CTNNA2: variants seen among roughly 807,000 people sequenced by gnomAD.
CTNNA2 encodes the protein catenin alpha 2, also known as catenin alpha-2.
A neutral mutation model predicts 101.0 loss-of-function variants in CTNNA2; 42 were observed. The observed-to-expected ratio is 0.42, with a 90% confidence interval of 0.32 to 0.54. CTNNA2 has a LOEUF of 0.54. Ranked by LOEUF, CTNNA2 falls within the 20% of genes least tolerant of loss-of-function variation. The pLI is 0.14. For missense variants in CTNNA2, 871 were observed against 1,223.1 expected, an observed-to-expected ratio of 0.71 and a Z score of 4.29; for synonymous variants, 450 against 456.4, an observed-to-expected ratio of 0.99 and a Z score of 0.18.
At chr2:79,218,561 T>A (rs1348973199) in intron 2 of CTNNA2, among the ~76,000 whole-genome samples, 1 of 152,112 alleles carries the variant, frequency 6.6e-6, no homozygotes, top group Non-Finnish European at 1.5e-5. Context: ...GAAGAGACTC[T>A]CATTTAGGAC....
intron 3 of CTNNA2, among the ~76,000 whole-genome samples, chr2:79,369,791 T>C (rs771599402): frequency 1.3e-5 from 2 of 152,184 alleles, no homozygotes; most frequent in Non-Finnish European, 2.9e-5. Flanking sequence ...CTTATTTAAA[T>C]TCTGTCCAAC....
chr2:80,487,301 T>G (rs1026031026), intron 9 of CTNNA2, among the ~76,000 whole-genome samples: 4 of 142,506 alleles, frequency 2.8e-5, no homozygotes, highest in Non-Finnish European at 4.6e-5. Flanking sequence ...AAAAAAAAAG[T>G]GCACAATTTT....
At chr2:79,357,445 CAA>C (rs1466129294) in intron 3 of CTNNA2, among the ~76,000 whole-genome samples, 1 of 151,942 alleles carries the variant, frequency 6.6e-6, no homozygotes, top group Non-Finnish European at 1.5e-5. Flanking sequence ...TCACAGAAAG[CAA>C]ATTATTGAAA....
At chr2:80,145,061 C>T (rs1471289952) in intron 7 of CTNNA2, among the ~76,000 whole-genome samples, 2 of 152,148 alleles carry the variant, frequency 1.3e-5, no homozygotes, top group Non-Finnish European at 1.5e-5. Context: ...CTGTCAATCA[C>T]GGTTCTAGAA....
At chr2:80,264,614 C>T (rs1052550716) in intron 7 of CTNNA2, among the ~76,000 whole-genome samples, 3 of 152,108 alleles carry the variant, frequency 2.0e-5, no homozygotes, top group Non-Finnish European at 4.4e-5. Flanking sequence ...CTTAGCTTAG[C>T]CTAAAATCCC....
intron 4 of CTNNA2, among the ~76,000 whole-genome samples, chr2:79,859,472 T>C (rs1223536614): frequency 6.6e-6 from 1 of 152,082 alleles, no homozygotes; most frequent in African/African-American, 2.4e-5. Context: ...TATGTATAAA[T>C]TCTGGAAAAA....
At chr2:79,326,587 T>C (rs1041260338) in intron 3 of CTNNA2, among the ~76,000 whole-genome samples, 1 of 152,206 alleles carries the variant, frequency 6.6e-6, no homozygotes, top group Non-Finnish European at 1.5e-5. Context: ...ATTTATAACA[T>C]GATTTTTAAA....
At chr2:79,404,171 T>C (rs1428127621) in intron 4 of CTNNA2, among the ~76,000 whole-genome samples, 1 of 151,892 alleles carries the variant, frequency 6.6e-6, no homozygotes. Context: ...ATAGTGTACA[T>C]TGGTAACACC....
chr2:79,812,133 T>A (rs1026615123), intron 3 of CTNNA2, among the ~76,000 whole-genome samples: 9 of 152,184 alleles, frequency 5.9e-5, no homozygotes, highest in Non-Finnish European at 1.3e-4. Flanking sequence ...CCAATGTCAT[T>A]TTTTGTAGAT....
chr2:80,289,641 A>T (rs1448022381), intron 7 of CTNNA2, among the ~76,000 whole-genome samples: 1 of 152,206 alleles, frequency 6.6e-6, no homozygotes, highest in African/African-American at 2.4e-5. Context: ...AACTCAATGC[A>T]CATGCTCTCT....
chr2:79,857,989 T>G (rs1476656251), intron 3 of CTNNA2, 24 bp from the exon 4 acceptor site: 6 of 1,600,614 alleles, frequency 3.7e-6, no homozygotes, highest in Admixed American at 1.7e-5. Flanking sequence ...TCTACCCACC[T>G]GCCTCTCCGT....
chr2:80,328,391 A>G (rs1028451431), intron 7 of CTNNA2: 8 of 470,926 alleles, frequency 1.7e-5, no homozygotes, highest in South Asian at 1.1e-4. Flanking sequence ...GTGACTCTCC[A>G]TAGGGGAATG....
intron 7 of CTNNA2, among the ~76,000 whole-genome samples, chr2:80,052,761 G>A (rs915454771): frequency 1.3e-5 from 2 of 152,150 alleles, no homozygotes; most frequent in African/African-American, 4.8e-5. Flanking sequence ...ACAGATAGAA[G>A]CAGTTTGCAT....
chr2:79,677,064 G>A (rs1453601822), intron 2 of CTNNA2, among the ~76,000 whole-genome samples: 2 of 151,996 alleles, frequency 1.3e-5, no homozygotes, highest in Non-Finnish European at 2.9e-5. Context: ...TGAGTACCTG[G>A]AACTACATCA....
In CTNNA2 at chr2:79,887,065, A is replaced by G. The variant is rs770137585; in HGVS notation, c.852+12723A>G. On this transcript the variant is annotated intron_variant, in intron 6 of 18. Coordinates refer to ENST00000402739, the MANE Select transcript of CTNNA2 (RefSeq NM_001282597.3). The stretch of plus-strand genomic sequence containing the variant: ...CTCCTGAACTCAAGTGATCTGCCCA[A>G]CTCAGCTTCCCAAAATGCTGGGATT... Among the ~76,000 whole-genome samples the G allele has an allele frequency of 5.3e-5, 8 of 151,926 alleles. No individual in the cohort carries two copies. The East Asian group carries it at 5.9e-4, about 11-fold the overall frequency.
intron 7 of CTNNA2, among the ~76,000 whole-genome samples, chr2:80,278,335 A>T (rs749451682): frequency 6.6e-6 from 1 of 152,164 alleles, no homozygotes; most frequent in Non-Finnish European, 1.5e-5. Flanking sequence ...TCATGATTCT[A>T]TGTGCTGGCA....
intron 3 of CTNNA2, among the ~76,000 whole-genome samples, chr2:79,795,007 A>G (rs913222017): frequency 7.2e-5 from 11 of 152,190 alleles, no homozygotes; most frequent in African/African-American, 2.4e-4. Flanking sequence ...TAAATATTTT[A>G]TGAATCAGTC....
chr2:79,239,821 AAT>A (rs1489330296), intron 2 of CTNNA2, among the ~76,000 whole-genome samples: 1 of 152,224 alleles, frequency 6.6e-6, no homozygotes, highest in Non-Finnish European at 1.5e-5. Flanking sequence ...TAATATCCGG[AAT>A]ATACGAGGAA....
intron 18 of CTNNA2, among the ~76,000 whole-genome samples, chr2:80,621,678 T>C (rs1477165332): frequency 1.3e-5 from 2 of 151,934 alleles, no homozygotes; most frequent in Non-Finnish European, 2.9e-5. Flanking sequence ...ATTACCTATG[T>C]AATATTGCAG....
Sources: gnomAD v4.1 joint callset for allele counts (sites outside exome capture counted in the v4.1 genomes callset) on GRCh38, gnomAD v4.1.1 for gene constraint, MANE v1.5 for transcripts, NCBI Gene and HGNC (gene_info 2026-07-23, HGNC 2026-07-21) for gene names.